Variants in AK5 observed in about 807,000 individuals in gnomAD.
The protein encoded by AK5 is adenylate kinase isoenzyme 5.
In AK5, 27 loss-of-function variants were observed where a neutral mutation model predicts 69.5. That is an observed-to-expected ratio of 0.39 (90% CI 0.29 to 0.54). The LOEUF (loss-of-function observed/expected upper bound fraction) is 0.54. Among genes scored for constraint, AK5 ranks in the 20% least tolerant of loss-of-function variants. AK5 has a pLI of 0.71. For synonymous variants in AK5, 260 were observed against 244.4 expected (o/e 1.06, Z -0.60); for missense variants, 531 against 700.4 (o/e 0.76, Z 2.73).
chr1:77,299,775 A>G (rs1282639605), intron 5 of AK5, among the ~76,000 whole-genome samples: 2 of 152,134 alleles, frequency 1.3e-5, no homozygotes, highest in African/African-American at 4.8e-5. Flanking sequence ...TGCCACCCAA[A>G]CCTGGTTCTC....
At chr1:77,474,744 C>G (rs1654738829) in intron 8 of AK5, among the ~76,000 whole-genome samples, 1 of 152,186 alleles carries the variant, frequency 6.6e-6, no homozygotes, top group South Asian at 2.1e-4. Flanking sequence ...AAGGATGATG[C>G]CTCTGGGTGA....
At chr1:77,293,698 T>C in intron 2 of AK5, 95 bp from the exon 3 acceptor site, 1 of 1,101,720 alleles carries the variant, frequency 9.1e-7, no homozygotes, top group Non-Finnish European at 1.3e-6. Context: ...AACAAACCCA[T>C]TTAATTTTAA....
At chr1:77,509,458 G>A (rs1259255760) in intron 10 of AK5, among the ~76,000 whole-genome samples, 1 of 152,158 alleles carries the variant, frequency 6.6e-6, no homozygotes, top group Non-Finnish European at 1.5e-5. Flanking sequence ...GATGGAGAAG[G>A]TTTCAACTGA....
chr1:77,449,368 T>A (rs1652993269), intron 8 of AK5, among the ~76,000 whole-genome samples: 1 of 152,198 alleles, frequency 6.6e-6, no homozygotes, highest in South Asian at 2.1e-4. Context: ...CCCTGCTGGA[T>A]TTCAGAGTTG....
At chr1:77,348,256 G>A (rs1050242964) in intron 6 of AK5, among the ~76,000 whole-genome samples, 1 of 152,106 alleles carries the variant, frequency 6.6e-6, no homozygotes, top group African/African-American at 2.4e-5. Flanking sequence ...GGACAAAATC[G>A]AGATAATTCA....
At chr1:77,435,493 TAA>T (rs1557591482) in intron 8 of AK5, among the ~76,000 whole-genome samples, 1 of 151,664 alleles carries the variant, frequency 6.6e-6, no homozygotes, top group African/African-American at 2.4e-5. Context: ...ATTAAAAATA[TAA>T]AAATTAGCTT....
At chr1:77,444,366 TAA>T (rs1491188172) in intron 8 of AK5, among the ~76,000 whole-genome samples, 7 of 39,770 alleles carry the variant, frequency 1.8e-4, no homozygotes, top group Non-Finnish European at 2.7e-4. Context: ...ATATATAGTA[TAA>T]ATATATACTA....
At chr1:77,358,037 GAGAC>G (rs1330886714) in intron 6 of AK5, among the ~76,000 whole-genome samples, 2 of 151,162 alleles carry the variant, frequency 1.3e-5, no homozygotes, top group South Asian at 2.1e-4. Context: ...GAGAGAGAGA[GAGAC>G]AGAGAGATCA....
intron 9 of AK5, 89 bp from the exon 10 acceptor site, chr1:77,486,219 C>T (rs1188860238): frequency 1.2e-6 from 1 of 830,892 alleles, no homozygotes; most frequent in Non-Finnish European, 1.9e-6. Flanking sequence ...AATAAAACTA[C>T]AAGGTTTGGG....
At chr1:77,297,437 G>A (rs1309109123) in intron 3 of AK5, 122 bp from the exon 4 acceptor site, 3 of 807,146 alleles carry the variant, frequency 3.7e-6, no homozygotes, top group Admixed American at 2.8e-5. Context: ...TGCCACAAAT[G>A]GAACTGTTAA....
intron 6 of AK5, among the ~76,000 whole-genome samples, chr1:77,386,597 A>G (rs1294154023): frequency 2.0e-5 from 3 of 152,162 alleles, no homozygotes; most frequent in African/African-American, 7.2e-5. Flanking sequence ...ATGTCAGGGG[A>G]GGATTTTATC....
chr1:77,556,782 C>T (rs1660126429), intron 13 of AK5, among the ~76,000 whole-genome samples: 1 of 152,080 alleles, frequency 6.6e-6, no homozygotes, highest in South Asian at 2.1e-4. Context: ...TGTTTGAAAA[C>T]TTTGTGTTTC....
chr1:77,506,244 GT>G (rs1657017578), intron 10 of AK5, among the ~76,000 whole-genome samples: 5 of 151,684 alleles, frequency 3.3e-5, no homozygotes, highest in African/African-American at 1.2e-4. Flanking sequence ...TGGTTGGTTG[GT>G]TGGTTGGTTG....
At chr1:77,529,540 GT>G (rs915384285) in intron 12 of AK5, among the ~76,000 whole-genome samples, 1 of 152,144 alleles carries the variant, frequency 6.6e-6, no homozygotes, top group African/African-American at 2.4e-5. Flanking sequence ...GGTCAGGCTA[GT>G]CTTGAACTCC....
chr1:77,332,209 A>T (rs1661125649), intron 5 of AK5, among the ~76,000 whole-genome samples: 1 of 151,952 alleles, frequency 6.6e-6, no homozygotes, highest in Admixed American at 6.5e-5. Context: ...AGATTCATTT[A>T]TTTTTATTTG....
chr1:77,391,441 A>ATC (rs1648439551), intron 6 of AK5, among the ~76,000 whole-genome samples: 1 of 65,940 alleles, frequency 1.5e-5, no homozygotes, highest in Non-Finnish European at 2.7e-5. Context: ...ACATATATAC[A>ATC]TATATGTGTG....
rs139207856 is a variant in AK5 at position 77,285,192 on chromosome 1, T to C, written c.61-1749T>C. Among the ~76,000 whole-genome samples, 786 of 152,322 alleles carry C rather than the reference T, an allele frequency of 5.2e-3. 2 individuals are homozygous for C. Among genetic ancestry groups the C allele is most frequent in the Non-Finnish European group, 8.0e-3 (546 of 68,034 alleles). ...AAGTCACACAGGGCTGAGAATGCAC[T>C]GGGTATGCAAATAAATATATGACAC... On this transcript the variant is annotated intron_variant, in intron 1 of 13. Transcript: ENST00000354567.
intron 6 of AK5, among the ~76,000 whole-genome samples, chr1:77,380,624 A>C (rs1647563357): frequency 6.6e-6 from 1 of 152,248 alleles, no homozygotes; most frequent in Non-Finnish European, 1.5e-5. Flanking sequence ...CTAAATAAGC[A>C]CTGGGGAGTG....
intron 8 of AK5, among the ~76,000 whole-genome samples, chr1:77,435,583 A>G (rs2803151): frequency 0.99 from 149,585 of 151,644 alleles, 73,809 homozygotes; most frequent in Middle Eastern, 1. Flanking sequence ...GGAAGGCAGA[A>G]GTTGCAGTGA....
Sources: gnomAD v4.1 joint callset for allele counts (sites outside exome capture counted in the v4.1 genomes callset) on GRCh38, gnomAD v4.1.1 for gene constraint, MANE v1.5 for transcripts, NCBI Gene and HGNC (gene_info 2026-07-23, HGNC 2026-07-21) for gene names.